The following NOP2 variants were observed in gnomAD, a reference collection of about 807,000 sequenced individuals.
The protein encoded by NOP2 is 28S rRNA (cytosine(4447)-C(5))-methyltransferase.
In NOP2, 7 loss-of-function variants were observed where a neutral mutation model predicts 72.7. The observed-to-expected ratio is 0.10, with a 90% CI of 0.05 to 0.18. The LOEUF is 0.18. Ranked by LOEUF, NOP2 falls within the 10% of genes least tolerant of loss-of-function variation. NOP2 has a pLI of 1.00. For missense variants in NOP2, 954 were observed against 1,014.7 expected, an observed-to-expected ratio of 0.94 and a Z score of 0.81; for synonymous variants, 387 against 388.0, an observed-to-expected ratio of 1.00 and a Z score of 0.03.
In NOP2 at chr12:6,557,597, A is replaced by G; in HGVS notation, c.1835T>C (p.Val612Ala). The G allele has an allele frequency of 6.2e-7, 1 of 1,613,504 alleles. No individual in the cohort carries two copies. The highest frequency in any genetic ancestry group is 8.5e-7 in the Non-Finnish European group (1 of 1,179,692). The change falls in exon 16 of 16, where the codon GTC becomes GCC. Residue 612 changes from valine to alanine, a missense_variant. Around this residue, in one of 3 missense-constraint regions of NOP2, gnomAD observed 269 missense variants for 260.2 expected, o/e 1.03. Transcript: ENST00000322166. Reference protein sequence around the residue: ...ATPTNVDLPQVIPKSENSSQP... With the variant: ...ATPTNVDLPQAIPKSENSSQP... Reference sequence around the variant, plus strand: ...GCTGCTGTTCTCAGACTTGGGGATGACCTGAGGCAAGTCTACATTTGTAGG... The same window carrying G: ...GCTGCTGTTCTCAGACTTGGGGATGGCCTGAGGCAAGTCTACATTTGTAGG...
At chr12:6,565,158 T>A (rs995213606) in intron 5 of NOP2, among the ~76,000 whole-genome samples, 11 of 145,926 alleles carry the variant, frequency 7.5e-5, no homozygotes, top group Non-Finnish European at 1.2e-4. Flanking sequence ...AGCAGTTATT[T>A]TTTTTTTTTT....
intron 5 of NOP2, among the ~76,000 whole-genome samples, chr12:6,564,555 G>A (rs1947730922): frequency 6.6e-6 from 1 of 151,762 alleles, no homozygotes; most frequent in Non-Finnish European, 1.5e-5. Flanking sequence ...AGCCTCCCAA[G>A]TAGCTGGGAT....
At chr12:6,565,969 C>A in intron 5 of NOP2, 132 bp downstream of exon 5, 1 of 701,888 alleles carries the variant, frequency 1.4e-6, no homozygotes, top group South Asian at 1.8e-5. Context: ...AGTAGGGAAA[C>A]AGTGATGGAG....
In NOP2 at chr12:6,557,593, G is replaced by C; in HGVS notation, c.1839C>G (p.Ile613Met). ...TPTNVDLPQV[I>M]PKSENSSQPA... ...GCTGGCTGCTGTTCTCAGACTTGGG[G>C]ATGACCTGAGGCAAGTCTACATTTG... Residue 613 changes from isoleucine (I) to methionine (M), a missense_variant, in exon 16 of 16, where the codon ATC becomes ATG. Ile to Met is a conservative substitution (Grantham distance 10). Coordinates refer to ENST00000322166, the MANE Select transcript of NOP2 (RefSeq NM_001258308.2). The C allele has an allele frequency of 6.2e-7, 1 of 1,613,694 alleles. No homozygotes were observed. Among genetic ancestry groups the C allele is most frequent in the Non-Finnish European group, 8.5e-7 (1 of 1,179,772 alleles).
In NOP2 at chr12:6,566,117, T is replaced by C. The variant is rs1033701152; in HGVS notation, c.458A>G (p.Glu153Gly). 2 of 1,613,436 alleles carry C rather than the reference T, an allele frequency of 1.2e-6. No individual in the cohort carries two copies. Among genetic ancestry groups the C allele is most frequent in the Admixed American group, 1.7e-5 (1 of 59,958 alleles). The change falls in exon 5 of 16, where the codon GAG becomes GGG. Residue 153 changes from glutamate (E) to glycine (G), a missense_variant. Transcript: ENST00000322166. ...DYGADSNSEDEEEGEALLPIE... is the reference protein window; with the variant it reads ...DYGADSNSEDGEEGEALLPIE... ...GAATCTCACCGCTTCACCTTCCTCCTCATCCTCAGAGTTGGAGTCAGCTCC... is the reference window on the plus strand; with the variant it reads ...GAATCTCACCGCTTCACCTTCCTCCCCATCCTCAGAGTTGGAGTCAGCTCC...
chr12:6,563,411 A>C lies in NOP2; in HGVS notation c.792T>G (p.Ser264=). 1 of 1,607,824 alleles carries C rather than the reference A, an allele frequency of 6.2e-7. No individual in the cohort carries two copies. The highest frequency in any genetic ancestry group is 1.1e-5 in the South Asian group (1 of 89,702). Residue 264 remains serine, a synonymous_variant, in exon 8 of 16, where the codon TCT becomes TCG. Transcript: ENST00000322166. ...CCTTCTTGAGCCGGTTCAGGTATTC[A>C]GAACGAGACCGCCCTTCCTCCCGCT... ...GAQREEGRSR[S]EYLNRLKKDL...
At chr12:6,567,973 C>G (rs1487968106) in intron 1 of NOP2, 51 bp from the exon 2 acceptor site, 1 of 1,407,938 alleles carries the variant, frequency 7.1e-7, no homozygotes, top group East Asian at 2.3e-5. Context: ...TCGGAGGGAA[C>G]GGCAGAACGC....
intron 11 of NOP2, 68 bp downstream of exon 11, chr12:6,561,596 C>A: frequency 6.3e-7 from 1 of 1,585,360 alleles, no homozygotes; most frequent in Non-Finnish European, 8.6e-7. Flanking sequence ...GTCAGCAACC[C>A]CAGCAACCCC....
rs373546516 is a variant in NOP2 at position 6,560,353 on chromosome 12, G to A, written c.1561-27C>T. On this transcript the variant is annotated intron_variant, in intron 14 of 15. Coordinates refer to ENST00000322166, the MANE Select transcript of NOP2 (RefSeq NM_001258308.2). This position sits in a 1 kb window ranked among gnomAD's most constrained non-coding sequence, Gnocchi z 5.0. Reference sequence around the variant, plus strand: ...TGGATGTGGGGGGAAGACAAAGAACGGAGGAAAAAGCAGAGCTGGAGCTGA... The same window carrying A: ...TGGATGTGGGGGGAAGACAAAGAACAGAGGAAAAAGCAGAGCTGGAGCTGA... 68 of 1,608,932 alleles carry A rather than the reference G, an allele frequency of 4.2e-5. No homozygotes were observed. The African/African-American group carries it at 5.9e-4, about 14-fold the overall frequency.
Position 6,563,125 on chromosome 12 carries a change from G to A in NOP2, c.934C>T (p.Leu312Phe). The change falls in exon 9 of 16, where the codon CTC (leucine) becomes TTC (phenylalanine). Residue 312 changes from leucine (L) to phenylalanine (F), a missense_variant. Coordinates refer to ENST00000322166, the MANE Select transcript of NOP2 (RefSeq NM_001258308.2). Reference sequence around the variant, plus strand: ...CGGGTTTTCAAGGTATTGGTCCGGAGGGTGACGGGCCGAGGCACCTCATTA... The same window carrying A: ...CGGGTTTTCAAGGTATTGGTCCGGAAGGTGACGGGCCGAGGCACCTCATTA... The part of the protein sequence containing the change: ...EANEVPRPVT[L>F]RTNTLKTRRR... The A allele has an allele frequency of 1.3e-6, 2 of 1,598,638 alleles. No homozygotes were observed. The highest frequency in any genetic ancestry group is 1.1e-5 in the South Asian group (1 of 88,090).
In NOP2 at chr12:6,563,354, G is replaced by A; in HGVS notation, c.849C>T (p.Phe283=). ...DLAIYYSYGD[F]LLGKLMDLFP... ...AGAGGTCCATGAGCTTGCCAAGCAG[G>A]AAGTCTCCATAGGAGTAGTAAATGG... Residue 283 remains phenylalanine, a synonymous_variant, in exon 8 of 16, where the codon TTC becomes TTT. Transcript: ENST00000322166. The A allele has an allele frequency of 6.2e-7, 1 of 1,602,132 alleles. No individual in the cohort carries two copies. Among genetic ancestry groups the A allele is most frequent in the Non-Finnish European group, 8.5e-7 (1 of 1,174,404 alleles).
In NOP2 at chr12:6,557,603, G is replaced by C; in HGVS notation, c.1829C>G (p.Pro610Arg). ...GTTCTCAGACTTGGGGATGACCTGA[G>C]GCAAGTCTACATTTGTAGGTGTGGC... is the stretch of plus-strand genomic sequence containing the variant. The part of the protein sequence containing the change: ...ETATPTNVDL[P>R]QVIPKSENSS... The change falls in exon 16 of 16, where the codon CCT (proline) becomes CGT (arginine). Residue 610 changes from proline to arginine, a missense_variant. Pro to Arg is a moderately radical substitution (Grantham distance 103, BLOSUM62 -2). This residue lies in a region of NOP2 where 269 missense variants were observed against 260.2 expected (regional missense o/e 1.03). Coordinates refer to ENST00000322166, the MANE Select transcript of NOP2 (RefSeq NM_001258308.2). 2 of 1,613,524 alleles carry C rather than the reference G, an allele frequency of 1.2e-6. No homozygotes were observed. The highest frequency in any genetic ancestry group is 1.7e-6 in the Non-Finnish European group (2 of 1,179,680).
intron 5 of NOP2, among the ~76,000 whole-genome samples, chr12:6,565,403 T>C (rs1406219388): frequency 6.6e-6 from 1 of 152,076 alleles, no homozygotes; most frequent in East Asian, 1.9e-4. Flanking sequence ...TGCAATGGCA[T>C]GATCTCGGCT....
chr12:6,562,381 C>A (rs1947675129), intron 9 of NOP2, among the ~76,000 whole-genome samples: 1 of 152,138 alleles, frequency 6.6e-6, no homozygotes. Flanking sequence ...ATGGCCCATA[C>A]CCCACAACTC....
intron 5 of NOP2, among the ~76,000 whole-genome samples, chr12:6,564,621 G>C (rs973731706): frequency 1.2e-4 from 18 of 151,808 alleles, no homozygotes; most frequent in Non-Finnish European, 2.4e-4. Context: ...CAGAGATGGG[G>C]TTTCACCATG....
At chr12:6,567,611 A>T in intron 2 of NOP2, 1 of 481,954 alleles carries the variant, frequency 2.1e-6, no homozygotes, top group South Asian at 3.4e-5. Context: ...CCTTGCATGA[A>T]TAATAGTTGT....
At position 6,567,848 on chromosome 12, in the gene NOP2, G is replaced by A. The variant is rs777646114; in HGVS notation, c.71C>T (p.Ala24Val). ...PGRKARKQKG[A>V]ETELVRFLPA... ...CAAGAATCTGACGAGTTCTGTCTCG[G>A]CACCCTTCTGCTTCCGGGCCTTTCG... Residue 24 changes from alanine to valine, a missense_variant, in exon 2 of 16, where the codon GCC (alanine) becomes GTC (valine). Around this residue, in one of 3 missense-constraint regions of NOP2, gnomAD observed 498 missense variants for 478.3 expected, o/e 1.04. Transcript: ENST00000322166. 1 of 1,613,990 alleles carries A rather than the reference G, an allele frequency of 6.2e-7. No homozygotes were observed. The highest frequency in any genetic ancestry group is 8.5e-7 in the Non-Finnish European group (1 of 1,179,874).
chr12:6,568,097 G>A (rs914553671), intron 1 of NOP2, 110 bp downstream of exon 1: 2 of 598,962 alleles, frequency 3.3e-6, no homozygotes, highest in South Asian at 2.0e-5. Flanking sequence ...CCCCCTGGAG[G>A]CCCGACCGAA....
rs542709222 is a variant in NOP2, at chr12:6,566,752, C to T, written c.149+25G>A. On this transcript the variant is annotated intron_variant, in intron 3 of 15. Coordinates refer to ENST00000322166, the MANE Select transcript of NOP2 (RefSeq NM_001258308.2). ...AGATGAGCAGTACCAATTTAACCTA[C>T]TTAAGTTTTGACACCCACACTTACC... 6.8e-6 allele frequency: 11 copies of T among 1,611,634 alleles called. No individual in the cohort carries two copies. In the East Asian group the frequency reaches 2.2e-4, roughly 33 times the overall value.
Sources: gnomAD v4.1 joint callset for allele counts (sites outside exome capture counted in the v4.1 genomes callset) on GRCh38, gnomAD v4.1.1 for gene constraint, gnomAD v4.1.1 regional missense constraint, Gnocchi (gnomAD v3.1) non-coding constraint, MANE v1.5 for transcripts, NCBI Gene and HGNC (gene_info 2026-07-23, HGNC 2026-07-21) for gene names.